The following PCDHA11 variants were observed in gnomAD, a reference collection of about 807,000 sequenced individuals.
The protein encoded by PCDHA11 is protocadherin alpha-11.
In PCDHA11, 61 loss-of-function variants were observed where a neutral mutation model predicts 70.3. The observed-to-expected ratio is 0.87, with a 90% CI of 0.71 to 1.07. The LOEUF (loss-of-function observed/expected upper bound fraction) is 1.07. PCDHA11 is among the 50% of genes least tolerant of loss of function. PCDHA11 has a pLI of 0.00. For synonymous variants in PCDHA11, 633 were observed against 555.1 expected, an observed-to-expected ratio of 1.14 and a Z score of -1.97; for missense variants, 1,324 against 1,237.5, an observed-to-expected ratio of 1.07 and a Z score of -1.05.
chr5:140,968,737 C>T, intron 1 of PCDHA11: 2 of 1,614,148 alleles, frequency 1.2e-6, no homozygotes, highest in Non-Finnish European at 1.7e-6. Flanking sequence ...GCACTTTCAA[C>T]CTGACCGTGG....
intron 1 of PCDHA11, among the ~76,000 whole-genome samples, chr5:140,889,975 T>A (rs2062445806): frequency 6.6e-6 from 1 of 152,182 alleles, no homozygotes; most frequent in African/African-American, 2.4e-5. Flanking sequence ...CTATCCAGTC[T>A]CCAGTTGTCT....
At chr5:140,880,693 T>C (rs2058435381) in intron 1 of PCDHA11, among the ~76,000 whole-genome samples, 1 of 152,222 alleles carries the variant, frequency 6.6e-6, no homozygotes. Context: ...TAGTCATGGT[T>C]AAGTGACAAT....
At chr5:140,939,441 T>A (rs1471285631) in intron 1 of PCDHA11, among the ~76,000 whole-genome samples, 1 of 152,274 alleles carries the variant, frequency 6.6e-6, no homozygotes, top group East Asian at 1.9e-4. Flanking sequence ...TTTGAAGAAT[T>A]AAGAGTGAAA....
chr5:140,913,219 C>A (rs2076256091), intron 1 of PCDHA11, among the ~76,000 whole-genome samples: 2 of 152,122 alleles, frequency 1.3e-5, no homozygotes, highest in Non-Finnish European at 2.9e-5. Context: ...GGGTCCCAGG[C>A]TTTACTTTGC....
Position 140,870,634 on chromosome 5 carries a change from G to T in PCDHA11, c.1531G>T (p.Ala511Ser). Reference protein sequence around the residue: ...RALSSYVSVHAESGKVYALQP... With the variant: ...RALSSYVSVHSESGKVYALQP... ...GCTGTCGAGCTACGTGTCGGTGCAC[G>T]CGGAGAGCGGCAAGGTGTACGCGCT... Residue 511 changes from alanine (A) to serine (S), a missense_variant, in exon 1 of 4, where the codon GCG becomes TCG. Ala to Ser is a moderately conservative substitution (Grantham distance 99, BLOSUM62 1). Transcript: ENST00000398640. 1 of 1,612,862 alleles carries T rather than the reference G, an allele frequency of 6.2e-7. No individual in the cohort carries two copies. Among genetic ancestry groups the T allele is most frequent in the Non-Finnish European group, 8.5e-7 (1 of 1,179,788 alleles).
chr5:140,906,877 A>G (rs1361751716), intron 1 of PCDHA11, among the ~76,000 whole-genome samples: 1 of 152,122 alleles, frequency 6.6e-6, no homozygotes, highest in Non-Finnish European at 1.5e-5. Context: ...CAACACTGTA[A>G]CTTCCTTCTT....
chr5:141,010,315 T>G lies in PCDHA11; in HGVS notation c.*378T>G. ...AGGGCAGGCTGAAAAGTTTTGAGAT[T>G]GAGCAGCTTGGGAGTTTGTGGCCAC... On this transcript the variant is annotated 3_prime_UTR_variant, in exon 4 of 4. Transcript: ENST00000398640. 2.6e-6 allele frequency: 4 copies of G among 1,546,626 alleles called. No homozygotes were observed. Among genetic ancestry groups the G allele is most frequent in the Non-Finnish European group, 3.5e-6 (4 of 1,145,530 alleles).
intron 1 of PCDHA11, chr5:140,877,256 G>A (rs782364296): frequency 6.2e-7 from 1 of 1,613,628 alleles, no homozygotes; most frequent in African/African-American, 1.3e-5. Flanking sequence ...GCGAAAGTGC[G>A]CGCGGTGGAC....
intron 1 of PCDHA11, among the ~76,000 whole-genome samples, chr5:140,892,282 ACTT>A (rs1405766060): frequency 1.3e-5 from 2 of 152,178 alleles, no homozygotes; most frequent in African/African-American, 4.8e-5. Flanking sequence ...TGTATTAAAC[ACTT>A]CTTCCTGGAA....
rs782584168 is a variant in PCDHA11 at position 140,870,507 on chromosome 5, A to G, written c.1404A>G (p.Pro468=). 3 of 1,614,128 alleles carry G rather than the reference A, an allele frequency of 1.9e-6. No individual in the cohort carries two copies. Among genetic ancestry groups the G allele is most frequent in the African/African-American group, 1.3e-5 (1 of 75,052 alleles). Reference sequence around the variant, plus strand: ...CCGTGTTCGTGAAGGAGAACAACCCACCAGGCTGCCACATCTTCACAGTGT... The same window carrying G: ...CCGTGTTCGTGAAGGAGAACAACCCGCCAGGCTGCCACATCTTCACAGTGT... ...EYTVFVKENN[P]PGCHIFTVSA... Residue 468 remains proline (P), a synonymous_variant, in exon 1 of 4, where the codon CCA becomes CCG. Transcript: ENST00000398640.
intron 1 of PCDHA11, chr5:140,966,759 C>G: frequency 6.9e-7 from 1 of 1,447,012 alleles, no homozygotes; most frequent in Non-Finnish European, 9.1e-7. Context: ...CCGCCGCGGC[C>G]AGTGGCTATG....
chr5:140,870,801 G>A lies in PCDHA11; in HGVS notation c.1698G>A (p.Ala566=). The A allele has an allele frequency of 6.2e-7, 1 of 1,613,670 alleles. No individual in the cohort carries two copies. Among genetic ancestry groups the A allele is most frequent in the Non-Finnish European group, 8.5e-7 (1 of 1,179,892 alleles). Residue 566 remains alanine, a synonymous_variant, in exon 1 of 4, where the codon GCG becomes GCA. Transcript: ENST00000398640. ...ACGACAACGCGCCGGCACTGCTGGC[G>A]ACTCAGGCTGGCAGCGCGGGAGGCG... is the stretch of plus-strand genomic sequence containing the variant. ...DENDNAPALL[A]TQAGSAGGAV... is the part of the protein sequence containing the mutation.
chr5:140,894,724 C>T (rs1322007306), intron 1 of PCDHA11, among the ~76,000 whole-genome samples: 7 of 151,784 alleles, frequency 4.6e-5, no homozygotes, highest in African/African-American at 9.7e-5. Context: ...TCAAATATTA[C>T]GTAGCAATTT....
At chr5:140,981,533 C>A (rs1045779820) in intron 2 of PCDHA11, among the ~76,000 whole-genome samples, 9 of 152,154 alleles carry the variant, frequency 5.9e-5, no homozygotes, top group African/African-American at 2.2e-4. Context: ...GAGATCGTGC[C>A]ACTGTACTCC....
At chr5:140,919,910 A>C (rs1350361054) in intron 1 of PCDHA11, among the ~76,000 whole-genome samples, 1 of 152,204 alleles carries the variant, frequency 6.6e-6, no homozygotes. Flanking sequence ...GGATGAAATT[A>C]CCCTAAATTT....
chr5:140,953,279 A>T (rs2153698724), intron 1 of PCDHA11, among the ~76,000 whole-genome samples: 1 of 152,188 alleles, frequency 6.6e-6, no homozygotes, highest in Non-Finnish European at 1.5e-5. Context: ...TTTGCTCTTT[A>T]TATGTGATTC....
At chr5:140,988,545 T>C (rs1164667441) in intron 3 of PCDHA11, among the ~76,000 whole-genome samples, 1 of 152,150 alleles carries the variant, frequency 6.6e-6, no homozygotes, top group African/African-American at 2.4e-5. Context: ...ATTCATGACT[T>C]TCTTCATCTT....
chr5:140,991,570 C>T (rs1554252306), intron 3 of PCDHA11, among the ~76,000 whole-genome samples: 1 of 152,220 alleles, frequency 6.6e-6, no homozygotes, highest in Non-Finnish European at 1.5e-5. Context: ...TTTCCAATAA[C>T]AGGCTCCTTA....
intron 1 of PCDHA11, among the ~76,000 whole-genome samples, chr5:140,918,244 T>C (rs1554198493): frequency 6.6e-6 from 1 of 152,236 alleles, no homozygotes; most frequent in South Asian, 2.1e-4. Flanking sequence ...TGATTTTGTA[T>C]GCTGAAACTT....
Sources: allele counts gnomAD v4.1 joint callset (sites outside exome capture counted in the v4.1 genomes callset), GRCh38; gene constraint gnomAD v4.1.1; transcripts MANE v1.5; gene names NCBI Gene and HGNC (gene_info 2026-07-23, HGNC 2026-07-21).